Variants in DNAH11 observed in about 807,000 individuals in gnomAD.
DNAH11 encodes the protein dynein axonemal heavy chain 11.
DNAH11 carries 442 observed loss-of-function variants against 526.0 expected under a neutral mutation model. That is an observed-to-expected ratio of 0.84 (90% CI 0.78 to 0.91). DNAH11 has a LOEUF of 0.91. Ranked by LOEUF, DNAH11 falls within the 40% of genes least tolerant of loss-of-function variation. The pLI is 0.00. For synonymous variants in DNAH11, 2,461 were observed against 1,935.9 expected (o/e 1.27, Z -7.12); for missense variants, 6,989 against 5,448.7 (o/e 1.28, Z -8.90).
At chr7:21,683,402 T>G (rs534445280) in intron 31 of DNAH11, among the ~76,000 whole-genome samples, 1 of 152,366 alleles carries the variant, frequency 6.6e-6, no homozygotes, top group South Asian at 2.1e-4. Flanking sequence ...GTAGTTTATT[T>G]ATGCCTCTGC....
At chr7:21,791,147 G>A (rs1019616673) in intron 61 of DNAH11, among the ~76,000 whole-genome samples, 2 of 152,172 alleles carry the variant, frequency 1.3e-5, no homozygotes, top group Non-Finnish European at 2.9e-5. Flanking sequence ...TGCCTGGCAG[G>A]GCAGCCAGCA....
chr7:21,820,813 C>T (rs1440843157), intron 65 of DNAH11, among the ~76,000 whole-genome samples: 1 of 152,156 alleles, frequency 6.6e-6, no homozygotes, highest in African/African-American at 2.4e-5. Context: ...TTCCTGGAGT[C>T]TCCATATTTT....
At chr7:21,884,962 G>C (rs1784070410) in intron 76 of DNAH11, among the ~76,000 whole-genome samples, 1 of 151,942 alleles carries the variant, frequency 6.6e-6, no homozygotes, top group South Asian at 2.1e-4. Context: ...ATATGTATGT[G>C]AGGTGATAGA....
intron 49 of DNAH11, among the ~76,000 whole-genome samples, chr7:21,743,497 T>C (rs1174436389): frequency 6.6e-6 from 1 of 152,204 alleles, no homozygotes; most frequent in African/African-American, 2.4e-5. Context: ...GAAATTTCTT[T>C]TGTGACAGAG....
At chr7:21,615,540 A>G (rs1315142732) in intron 21 of DNAH11, among the ~76,000 whole-genome samples, 1 of 151,456 alleles carries the variant, frequency 6.6e-6, no homozygotes, top group East Asian at 1.9e-4. Context: ...TGTAAAGAAT[A>G]TAAATAAAAT....
chr7:21,589,971 T>A (rs1468135673), intron 12 of DNAH11, among the ~76,000 whole-genome samples: 2 of 152,110 alleles, frequency 1.3e-5, no homozygotes, highest in Non-Finnish European at 2.9e-5. Flanking sequence ...ATGGTAATTT[T>A]AAAAAACATA....
rs769169485 is a variant in DNAH11 at position 21,698,122 on chromosome 7, T to C, written c.6089T>C (p.Leu2030Ser). ...GACATTGAGCTAATCTGTGAAATCT[T>C]GTTAGTTGCTGAAGGTTTTGTGGAT... The part of the protein sequence containing the change: ...APDIELICEI[L>S]LVAEGFVDAR... Residue 2030 changes from leucine to serine, a missense_variant, in exon 36 of 82, where the codon TTG (leucine) becomes TCG (serine). Coordinates refer to ENST00000409508, the MANE Select transcript of DNAH11 (RefSeq NM_001277115.2). 1.4e-5 allele frequency: 22 copies of C among 1,613,452 alleles called. No individual in the cohort carries two copies. The highest frequency in any genetic ancestry group is 1.6e-4 in the Middle Eastern group (1 of 6,082).
intron 26 of DNAH11, 81 bp from the exon 27 acceptor site, chr7:21,637,530 A>T (rs1265908441): frequency 1.8e-5 from 18 of 990,194 alleles, no homozygotes; most frequent in Non-Finnish European, 2.5e-5. Flanking sequence ...TTTGTTCTTC[A>T]TTTTTTTAAT....
rs67284255 is a variant in DNAH11 at position 21,822,957 on chromosome 7, C to CT, written c.10691+4645dup. 3.8e-4 allele frequency among the ~76,000 whole-genome samples: 23 copies of CT among 60,560 alleles called. 4 individuals are homozygous for CT. Among genetic ancestry groups the CT allele is most frequent in the Admixed American group, 6.7e-4 (3 of 4,482 alleles). The allele number at this position is 60,560 out of a possible 152,430, so 39.7% of individuals were successfully genotyped here. On this transcript the variant is annotated intron_variant, in intron 65 of 81. Coordinates refer to ENST00000409508, the MANE Select transcript of DNAH11 (RefSeq NM_001277115.2). ...ACCCATTTTTAAATCAGATTATTTG[C>CT]TTTTTTTTTTTTTTTTTTTTTTTTT...
At chr7:21,635,564 C>T (rs530200134) in intron 25 of DNAH11, among the ~76,000 whole-genome samples, 7 of 152,198 alleles carry the variant, frequency 4.6e-5, no homozygotes, top group African/African-American at 1.4e-4. Flanking sequence ...CAGTGCTGAA[C>T]CCCCAATACA....
At chr7:21,646,745 G>T (rs931113020) in intron 28 of DNAH11, among the ~76,000 whole-genome samples, 1 of 152,230 alleles carries the variant, frequency 6.6e-6, no homozygotes, top group Non-Finnish European at 1.5e-5. Flanking sequence ...TCCTGGTAGC[G>T]GGGAATAAAT....
chr7:21,615,922 A>G (rs368195542), intron 21 of DNAH11, among the ~76,000 whole-genome samples: 3 of 152,324 alleles, frequency 2.0e-5, no homozygotes, highest in African/African-American at 4.8e-5. Context: ...CTACTTATCA[A>G]TTTATTCAAA....
At chr7:21,754,411 T>G (rs1238032315) in intron 54 of DNAH11, among the ~76,000 whole-genome samples, 1 of 152,244 alleles carries the variant, frequency 6.6e-6, no homozygotes, top group Non-Finnish European at 1.5e-5. Flanking sequence ...GCCTTTTTCT[T>G]TGTTTCCTTT....
chr7:21,546,614 T>A (rs938661840), intron 2 of DNAH11, among the ~76,000 whole-genome samples: 6 of 152,228 alleles, frequency 3.9e-5, no homozygotes, highest in Non-Finnish European at 7.3e-5. Context: ...TGCCTGCTCC[T>A]CAACATTATG....
At chr7:21,580,659 A>T (rs1784274183) in intron 8 of DNAH11, among the ~76,000 whole-genome samples, 1 of 152,234 alleles carries the variant, frequency 6.6e-6, no homozygotes, top group East Asian at 1.9e-4. Flanking sequence ...CCATGTCCTT[A>T]CTTGGTGGAA....
At chr7:21,830,976 C>G (rs1256706070) in intron 65 of DNAH11, among the ~76,000 whole-genome samples, 1 of 152,174 alleles carries the variant, frequency 6.6e-6, no homozygotes, top group Non-Finnish European at 1.5e-5. Context: ...GAGGAGCTCA[C>G]TCCTGCAGAG....
At chr7:21,570,801 G>C (rs528151987) in intron 7 of DNAH11, 3 of 150,510 alleles carry the variant, frequency 2.0e-5, no homozygotes, top group African/African-American at 7.3e-5. Flanking sequence ...CTGTGTAAAA[G>C]TTTTCAAATA....
chr7:21,722,657 A>G (rs993440112), intron 44 of DNAH11, among the ~76,000 whole-genome samples: 5 of 152,066 alleles, frequency 3.3e-5, no homozygotes, highest in African/African-American at 1.2e-4. Context: ...TGTAATTTCC[A>G]AGTGCTTTCT....
chr7:21,874,165 C>CTTG (rs568928884), intron 74 of DNAH11, among the ~76,000 whole-genome samples: 1 of 152,070 alleles, frequency 6.6e-6, no homozygotes, highest in Non-Finnish European at 1.5e-5. Context: ...CATTGTTATT[C>CTTG]TTGTTGATGA....
Sources: gnomAD v4.1 joint callset for allele counts (sites outside exome capture counted in the v4.1 genomes callset) on GRCh38, gnomAD v4.1.1 for gene constraint, MANE v1.5 for transcripts, NCBI Gene and HGNC (gene_info 2026-07-23, HGNC 2026-07-21) for gene names.